Variants in F5 observed in about 807,000 individuals in gnomAD.
The protein encoded by F5 is activated protein c cofactor.
F5 carries 138 observed loss-of-function variants against 216.4 expected under a neutral mutation model. That is an observed-to-expected ratio of 0.64 (90% CI 0.56 to 0.73). F5 has a LOEUF of 0.73. Ranked by LOEUF, F5 falls within the 30% of genes least tolerant of loss-of-function variation. The pLI is 0.00. For synonymous variants in F5, 916 were observed against 930.7 expected (o/e 0.98, Z 0.29); for missense variants, 2,403 against 2,674.0 (o/e 0.90, Z 2.24).
chr1:169,577,144 A>G (rs998015295), intron 2 of F5, among the ~76,000 whole-genome samples: 10 of 152,012 alleles, frequency 6.6e-5, no homozygotes, highest in Admixed American at 2.0e-4. Flanking sequence ...GGAGTGGCCT[A>G]CTTCAGGGCT....
chr1:169,572,384 C>A, intron 2 of F5, 41 bp from the exon 3 acceptor site: 1 of 1,609,974 alleles, frequency 6.2e-7, no homozygotes, highest in South Asian at 1.1e-5. Context: ...TATTCAGGGT[C>A]ATCAAAGGCA....
chr1:169,537,794 G>A (rs545529820), intron 13 of F5, among the ~76,000 whole-genome samples: 4 of 151,992 alleles, frequency 2.6e-5, no homozygotes, highest in East Asian at 1.9e-4. Context: ...ACCTCACACC[G>A]TTAGGATGGC....
At chr1:169,560,870 T>C (rs781151567) in intron 3 of F5, 104 bp from the exon 4 acceptor site, 3 of 932,188 alleles carry the variant, frequency 3.2e-6, no homozygotes, top group Non-Finnish European at 5.2e-6. Flanking sequence ...TGGAGATGCA[T>C]ATGTCCTTCA....
At position 169,529,657 on chromosome 1, in the gene F5, A is replaced by T. The variant is rs373101677; in HGVS notation, c.5370T>A (p.Ser1790Arg). The T allele has an allele frequency of 2.3e-5, 37 of 1,613,884 alleles. No individual in the cohort carries two copies. The highest frequency in any genetic ancestry group is 1.7e-4 in the Middle Eastern group (1 of 6,058). ...TTTCTGAGGATGTGAGTCTCCAAGAACTTCGGGACTTCTTTTCATAGTACC... is the reference window on the plus strand; with the variant it reads ...TTTCTGAGGATGTGAGTCTCCAAGATCTTCGGGACTTCTTTTCATAGTACC... ...KSWYYEKKSR[S>R]SWRLTSSEMK... The change falls in exon 16 of 25, where the codon AGT becomes AGA. Residue 1790 changes from serine to arginine, a missense_variant. Physicochemically the swap from Ser to Arg is moderately radical, Grantham distance 110. This residue lies in a region of F5 where 659 missense variants were observed against 787.9 expected (regional missense o/e 0.84). Transcript: ENST00000367797.
chr1:169,565,842 C>T (rs941137870), intron 3 of F5, among the ~76,000 whole-genome samples: 3 of 152,036 alleles, frequency 2.0e-5, no homozygotes, highest in Non-Finnish European at 4.4e-5. Flanking sequence ...CCCAACACAC[C>T]CCAAAGGATA....
intron 8 of F5, among the ~76,000 whole-genome samples, chr1:169,551,434 A>G (rs1660166570): frequency 6.6e-6 from 1 of 152,194 alleles, no homozygotes; most frequent in Non-Finnish European, 1.5e-5. Context: ...TGGGTGACAG[A>G]GTAAGACCCT....
chr1:169,518,506 G>A lies in F5; in HGVS notation c.6251C>T (p.Ala2084Val). ...CCACCAAGATTTCTTAAACGAAGAA[G>A]CTGTGATTTGCTTGTTTTCTATCTT... ...NGKIENKQITASSFKKSWWGD... is the reference protein window; with the variant it reads ...NGKIENKQITVSSFKKSWWGD... Residue 2084 changes from alanine (A) to valine (V), a missense_variant, in exon 23 of 25, where the codon GCT becomes GTT. This residue lies in a region of F5 where 659 missense variants were observed against 787.9 expected (regional missense o/e 0.84). Transcript: ENST00000367797. The A allele has an allele frequency of 6.2e-7, 1 of 1,613,884 alleles. No homozygotes were observed. The highest frequency in any genetic ancestry group is 1.1e-5 in the South Asian group (1 of 91,078).
intron 3 of F5, among the ~76,000 whole-genome samples, chr1:169,570,885 T>C (rs1292075536): frequency 6.6e-6 from 1 of 152,054 alleles, no homozygotes; most frequent in Non-Finnish European, 1.5e-5. Context: ...TTATTACCAT[T>C]TTACAGATGA....
At chr1:169,569,297 G>A (rs142370378) in intron 3 of F5, among the ~76,000 whole-genome samples, 164 of 152,144 alleles carry the variant, frequency 1.1e-3, no homozygotes, top group Non-Finnish European at 1.9e-3. Context: ...AACAATGTCT[G>A]GCAGAAAACG....
Position 169,541,330 on chromosome 1 carries a change from T to G in F5, c.3760A>C (p.Ser1254Arg). 4 of 1,610,176 alleles carry G rather than the reference T, an allele frequency of 2.5e-6. No individual in the cohort carries two copies. The highest frequency in any genetic ancestry group is 3.4e-6 in the Non-Finnish European group (4 of 1,178,384). Residue 1254 changes from serine to arginine, a missense_variant, in exon 13 of 25, where the codon AGC (serine) becomes CGC (arginine). By Grantham distance (110) the Ser-to-Arg change is moderately radical. Around this residue, in one of 4 missense-constraint regions of F5, gnomAD observed 1,425 missense variants for 1,554.8 expected, o/e 0.92. Coordinates refer to ENST00000367797, the MANE Select transcript of F5 (RefSeq NM_000130.5). ...AGTTCTGGAGAGAGGTTTGTCTGGC[T>G]GAGGTCTAAAGAAAGGGTTGTATGG... ...LSHTTLSLDL[S>R]QTNLSPELSQ...
chr1:169,541,791 T>C lies in F5; in HGVS notation c.3299A>G (p.His1100Arg), dbSNP rs779763770. The C allele has an allele frequency of 5.0e-6, 8 of 1,613,950 alleles. No homozygotes were observed. The Admixed American group carries it at 5.0e-5, about 10-fold the overall frequency. Reference protein sequence around the residue: ...DFGWIASLPDHNQNSSNDTGQ... With the variant: ...DFGWIASLPDRNQNSSNDTGQ... ...AGTGTCATTTGAGGAATTCTGATTATGGTCAGGAAGTGAGGCTATCCAGCC... is the reference window on the plus strand; with the variant it reads ...AGTGTCATTTGAGGAATTCTGATTACGGTCAGGAAGTGAGGCTATCCAGCC... The change falls in exon 13 of 25, where the codon CAT becomes CGT. Residue 1100 changes from histidine (H) to arginine (R), a missense_variant. By Grantham distance (29) the His-to-Arg change is conservative (BLOSUM62 0). This residue lies in a region of F5 where 1,425 missense variants were observed against 1,554.8 expected (regional missense o/e 0.92). Transcript: ENST00000367797.
rs750570307 is a variant in F5, at chr1:169,523,877, A to C, written c.5816T>G (p.Leu1939Ter). 1.2e-6 allele frequency: 2 copies of C among 1,613,682 alleles called. No homozygotes were observed. Among genetic ancestry groups the C allele is most frequent in the African/African-American group, 2.7e-5 (2 of 74,926 alleles). ...LGYWEPRLAR[L>*]NNGGSYNAWS... Reference sequence around the variant, plus strand: ...AGCATTATAAGATCCACCATTGTTTAATCTTGCTAATCTGGGCTCCCAGTA... The same window carrying C: ...AGCATTATAAGATCCACCATTGTTTCATCTTGCTAATCTGGGCTCCCAGTA... The change falls in exon 20 of 25, where the codon TTA (leucine) becomes TGA (stop). Residue 1939 changes from leucine (L) to a stop codon, truncating the protein, a stop_gained. Transcript: ENST00000367797. LOFTEE classifies it high-confidence loss of function.
chr1:169,524,850 A>C lies in F5; in HGVS notation c.5775T>G (p.Ala1925=), dbSNP rs755985485. ...GCTACAACTTACCCAGAAACTCTGA[A>C]GCCTTGATCTGTGAATCAGATATGA... The part of the protein sequence containing the change: ...TGIISDSQIK[A]SEFLGYWEPR... Residue 1925 remains alanine, a synonymous_variant, in exon 19 of 25, where the codon GCT becomes GCG. Coordinates refer to ENST00000367797, the MANE Select transcript of F5 (RefSeq NM_000130.5). The C allele has an allele frequency of 8.7e-6, 14 of 1,613,742 alleles. No individual in the cohort carries two copies. The highest frequency in any genetic ancestry group is 1.0e-5 in the Non-Finnish European group (12 of 1,179,684).
Position 169,542,485 on chromosome 1 carries a change from TG to T in F5, c.2604del (p.Lys869ArgfsTer2). ...TTTGCTGCTTGATCTCTTTCTACCT[TG>T]GGTCCCTTATGCTTAGCATGTTCTT... ...KSQEHAKHKG[P>X]KVERDQAAKH... On this transcript the variant is annotated frameshift_variant, in exon 13 of 25. Transcript: ENST00000367797. LOFTEE classifies it high-confidence loss of function. 1 of 1,614,102 alleles carries T rather than the reference TG, an allele frequency of 6.2e-7. No homozygotes were observed. Among genetic ancestry groups the T allele is most frequent in the Non-Finnish European group, 8.5e-7 (1 of 1,179,974 alleles).
chr1:169,522,440 T>C (rs1659331712), intron 21 of F5, among the ~76,000 whole-genome samples: 1 of 152,212 alleles, frequency 6.6e-6, no homozygotes, highest in African/African-American at 2.4e-5. Context: ...TGGACTCAAC[T>C]GCAATCTGTG....
intron 3 of F5, 110 bp from the exon 4 acceptor site, chr1:169,560,876 C>T: frequency 1.1e-6 from 1 of 878,174 alleles, no homozygotes; most frequent in South Asian, 1.4e-5. Context: ...TGCATATGTC[C>T]TTCAATAGTG....
At chr1:169,563,115 T>G (rs1660518851) in intron 3 of F5, among the ~76,000 whole-genome samples, 1 of 152,034 alleles carries the variant, frequency 6.6e-6, no homozygotes, top group Non-Finnish European at 1.5e-5. Flanking sequence ...TCCCCTATCT[T>G]CTACCCTCCC....
Position 169,536,688 on chromosome 1 carries a change from A to C in F5, c.4797-8T>G. ...TCTTCAATATCTGTTTCCCTGAAAT[A>C]ATAATACTATTTGTGTAAAAGAAGA... is the stretch of plus-strand genomic sequence containing the variant. On this transcript the variant is annotated splice_polypyrimidine_tract_variant and splice_region_variant and intron_variant, in intron 13 of 24. Coordinates refer to ENST00000367797, the MANE Select transcript of F5 (RefSeq NM_000130.5). The C allele has an allele frequency of 3.8e-6, 6 of 1,597,752 alleles. No individual in the cohort carries two copies. Among genetic ancestry groups the C allele is most frequent in the Non-Finnish European group, 4.3e-6 (5 of 1,165,444 alleles).
intron 10 of F5, among the ~76,000 whole-genome samples, chr1:169,547,665 G>T (rs1045764362): frequency 1.3e-5 from 2 of 151,966 alleles, no homozygotes; most frequent in Non-Finnish European, 2.9e-5. Flanking sequence ...AATAAGAATG[G>T]CTATTATTAA....
Sources: allele counts gnomAD v4.1 joint callset (sites outside exome capture counted in the v4.1 genomes callset), GRCh38; gene constraint gnomAD v4.1.1; regional missense constraint gnomAD v4.1.1; transcripts MANE v1.5; gene names NCBI Gene and HGNC (gene_info 2026-07-23, HGNC 2026-07-21).